The following DLC1 variants were observed in gnomAD, a reference collection of about 807,000 sequenced individuals.
DLC1 encodes the protein rho GTPase-activating protein 7.
In DLC1, 54 loss-of-function variants were observed where a neutral mutation model predicts 140.3. The observed-to-expected ratio is 0.38, with a 90% CI of 0.31 to 0.48. The LOEUF is 0.48. Ranked by LOEUF, DLC1 falls within the 20% of genes least tolerant of loss-of-function variation. DLC1 has a pLI of 0.96. For synonymous variants in DLC1, 986 were observed against 728.1 expected, an observed-to-expected ratio of 1.35 and a Z score of -5.70; for missense variants, 2,536 against 1,907.0, an observed-to-expected ratio of 1.33 and a Z score of -6.14.
chr8:13,398,494 A>G (rs992889896), intron 3 of DLC1, among the ~76,000 whole-genome samples: 10 of 150,854 alleles, frequency 6.6e-5, no homozygotes, highest in Non-Finnish European at 1.2e-4. Flanking sequence ...GCTGAGTATG[A>G]TGGCTCATGC....
chr8:13,249,362 G>T (rs917096557), intron 5 of DLC1, among the ~76,000 whole-genome samples: 3 of 152,182 alleles, frequency 2.0e-5, no homozygotes, highest in Non-Finnish European at 2.9e-5. Flanking sequence ...ACAAGTGTGA[G>T]CCACCACGTC....
rs1266568919 is a variant in DLC1 at position 13,341,077 on chromosome 8, T to A, written c.1315-35775A>T. 6 of 152,248 alleles carry A rather than the reference T, an allele frequency of 3.9e-5. No homozygotes were observed. In the South Asian group the frequency reaches 1.2e-3, roughly 32 times the overall value. 9.4% of individuals were successfully genotyped at this position (152,248 alleles called of 1,614,324 possible). On this transcript the variant is annotated intron_variant, in intron 4 of 17. Transcript: ENST00000276297. ...TGTTCAGTAGGATTTGAAGGAAGGA[T>A]TTAAAATAATGTGCTGAGGATCAGT...
chr8:13,131,938 A>C (rs1006644165), intron 5 of DLC1, among the ~76,000 whole-genome samples: 1 of 152,188 alleles, frequency 6.6e-6, no homozygotes, highest in South Asian at 2.1e-4. Flanking sequence ...AGGGTGCTGC[A>C]GAGAGGAGGG....
chr8:13,444,188 T>C (rs112122095), intron 2 of DLC1, among the ~76,000 whole-genome samples: 6,560 of 152,142 alleles, frequency 0.043, 171 homozygotes, highest in Middle Eastern at 0.079. Context: ...TTGCAAAAGT[T>C]TTCTCCCATT....
intron 5 of DLC1, among the ~76,000 whole-genome samples, chr8:13,281,452 A>G (rs1384842944): frequency 6.6e-6 from 1 of 152,204 alleles, no homozygotes; most frequent in African/African-American, 2.4e-5. Flanking sequence ...GCAGGGAGAA[A>G]ATCTTGGAAT....
chr8:13,322,004 TA>T (rs1223024117), intron 4 of DLC1, among the ~76,000 whole-genome samples: 1 of 152,174 alleles, frequency 6.6e-6, no homozygotes, highest in Non-Finnish European at 1.5e-5. Flanking sequence ...TGGAGAACCC[TA>T]AATAATAGAA....
intron 3 of DLC1, among the ~76,000 whole-genome samples, chr8:13,401,057 A>C (rs1293299968): frequency 1.3e-5 from 2 of 152,190 alleles, no homozygotes; most frequent in East Asian, 1.9e-4. Flanking sequence ...CCATCCATCC[A>C]TCCATTTACT....
At position 13,214,593 on chromosome 8, in the gene DLC1, T is replaced by C. The variant is rs747680362; in HGVS notation, c.1348+90676A>G. ...TTTTTTTGTGGCTGCCCGAGGAAAT[T>C]GGAGTGCAGTGTTCTGCCAGGCACA... On this transcript the variant is annotated intron_variant, in intron 5 of 17. Coordinates refer to ENST00000276297, the MANE Select transcript of DLC1 (RefSeq NM_182643.3). 4.3e-6 allele frequency: 3 copies of C among 697,314 alleles called. No individual in the cohort carries two copies. In the Admixed American group the frequency reaches 6.7e-5, roughly 16 times the overall value. 43.2% of individuals were successfully genotyped at this position (697,314 alleles called of 1,614,324 possible).
intron 5 of DLC1, among the ~76,000 whole-genome samples, chr8:13,192,989 C>A (rs1826850401): frequency 6.6e-6 from 1 of 152,130 alleles, no homozygotes; most frequent in South Asian, 2.1e-4. Flanking sequence ...ATACAGTGAC[C>A]CTCTTGATGA....
intron 4 of DLC1, among the ~76,000 whole-genome samples, chr8:13,319,248 G>T (rs1265442970): frequency 6.6e-6 from 1 of 152,130 alleles, no homozygotes; most frequent in South Asian, 2.1e-4. Context: ...AAAGACACCT[G>T]GTCTTAAACA....
At chr8:13,106,460 G>A (rs756804825) in intron 7 of DLC1, among the ~76,000 whole-genome samples, 73 of 152,074 alleles carry the variant, frequency 4.8e-4, no homozygotes, top group Admixed American at 3.5e-3. Flanking sequence ...GGATCCTCCC[G>A]CCTCAGCCTC....
rs1563359561 is a variant in DLC1, at chr8:13,453,410, ATATATATATATATGTG to A, written c.1023+45623_1023+45638del. On this transcript the variant is annotated intron_variant, in intron 2 of 17. Transcript: ENST00000276297. ...AGGATATATATATATATGTGTATAT[ATATATATATATATGTG>A]TATATATATATGTATATATATACAT... Among the ~76,000 whole-genome samples, 81 of 53,352 alleles carry A rather than the reference ATATATATATATATGTG, an allele frequency of 1.5e-3. 4 individuals are homozygous for A. Among genetic ancestry groups the A allele is most frequent in the African/African-American group, 8.8e-3 (78 of 8,822 alleles). The allele number at this position is 53,352 out of a possible 152,430, so 35.0% of individuals were successfully genotyped here. A position where few individuals can be genotyped will look rare whatever the true frequency, so the allele number is the denominator to read the frequency against.
Position 13,499,495 on chromosome 8 carries a change from G to T in DLC1, c.577C>A (p.Leu193Ile). ...VTDSISKSLE[L>I]CNEISLSEIK... Reference sequence around the variant, plus strand: ...TCACTTAAGCTTATTTCATTGCAAAGCTCCAGGCTTTTACTTATAGAGTCA... The same window carrying T: ...TCACTTAAGCTTATTTCATTGCAAATCTCCAGGCTTTTACTTATAGAGTCA... The change falls in exon 2 of 18, where the codon CTT becomes ATT. Residue 193 changes from leucine (L) to isoleucine (I), a missense_variant. Physicochemically the swap from Leu to Ile is conservative, Grantham distance 5. Transcript: ENST00000276297. 1.9e-6 allele frequency: 3 copies of T among 1,614,072 alleles called. No individual in the cohort carries two copies. The highest frequency in any genetic ancestry group is 1.7e-6 in the Non-Finnish European group (2 of 1,180,002).
At chr8:13,597,710 G>A (rs1281256356) in intron 1 of DLC1, among the ~76,000 whole-genome samples, 1 of 152,022 alleles carries the variant, frequency 6.6e-6, no homozygotes, top group Non-Finnish European at 1.5e-5. Flanking sequence ...CAGAAAATGT[G>A]TGTATATTTA....
chr8:13,356,963 G>C (rs1294862612), intron 4 of DLC1, among the ~76,000 whole-genome samples: 1 of 152,048 alleles, frequency 6.6e-6, no homozygotes, highest in Non-Finnish European at 1.5e-5. Context: ...TACGAGTTCA[G>C]AGAAGCCTTA....
chr8:13,215,672 T>C (rs1029593500), intron 5 of DLC1, among the ~76,000 whole-genome samples: 1 of 152,204 alleles, frequency 6.6e-6, no homozygotes, highest in African/African-American at 2.4e-5. Context: ...CTTTAAAACA[T>C]ACTACTATTG....
At chr8:13,262,093 T>C (rs1830492371) in intron 5 of DLC1, among the ~76,000 whole-genome samples, 1 of 152,194 alleles carries the variant, frequency 6.6e-6, no homozygotes, top group Admixed American at 6.5e-5. Flanking sequence ...AGAGTGCTAC[T>C]GTGTAGTAAG....
At chr8:13,420,873 G>A (rs1299698514) in intron 2 of DLC1, among the ~76,000 whole-genome samples, 2 of 152,126 alleles carry the variant, frequency 1.3e-5, no homozygotes, top group African/African-American at 2.4e-5. Context: ...TAGGCCGTAT[G>A]TATGACTAGT....
intron 1 of DLC1, among the ~76,000 whole-genome samples, chr8:13,551,404 A>G (rs574887754): frequency 5.9e-5 from 9 of 152,178 alleles, no homozygotes; most frequent in African/African-American, 9.6e-5. Flanking sequence ...ATGAATTTCC[A>G]TATCTCTGTT....
Sources: allele counts gnomAD v4.1 joint callset (sites outside exome capture counted in the v4.1 genomes callset), GRCh38; gene constraint gnomAD v4.1.1; transcripts MANE v1.5; gene names NCBI Gene and HGNC (gene_info 2026-07-23, HGNC 2026-07-21).